The following MCU variants were observed in gnomAD, a reference collection of about 807,000 sequenced individuals.
The protein encoded by MCU is calcium uniporter protein, mitochondrial.
A neutral mutation model predicts 45.2 loss-of-function variants in MCU; 12 were observed. That is an observed-to-expected ratio of 0.27 (90% confidence interval 0.17 to 0.43). The LOEUF (loss-of-function observed/expected upper bound fraction) is 0.43, where lower values mean the gene tolerates loss of function less well. Ranked by LOEUF, MCU falls within the 20% of genes least tolerant of loss-of-function variation. The pLI, the probability that MCU is intolerant of heterozygous loss-of-function variation, is 1.00. For missense variants in MCU, 324 were observed against 436.7 expected (o/e 0.74, Z 2.30); for synonymous variants, 160 against 165.1 (o/e 0.97, Z 0.24).
chr10:72,829,641 G>T (rs898376654), intron 1 of MCU, among the ~76,000 whole-genome samples: 4 of 150,434 alleles, frequency 2.7e-5, no homozygotes, highest in Admixed American at 2.6e-4. Context: ...AACAGTAAAG[G>T]AAAAAAACTT....
intron 1 of MCU, among the ~76,000 whole-genome samples, chr10:72,829,657 A>G (rs1844851406): frequency 6.6e-6 from 1 of 151,910 alleles, no homozygotes; most frequent in Admixed American, 6.6e-5. Flanking sequence ...AACTTTTACA[A>G]ACTTACTATT....
intron 2 of MCU, among the ~76,000 whole-genome samples, chr10:72,839,112 C>T (rs957207801): frequency 1.3e-5 from 2 of 152,032 alleles, no homozygotes; most frequent in Non-Finnish European, 2.9e-5. Flanking sequence ...GCCTCAGCCT[C>T]CCTAGCAGCT....
At chr10:72,734,691 G>T (rs1022677959) in intron 1 of MCU, among the ~76,000 whole-genome samples, 5 of 151,964 alleles carry the variant, frequency 3.3e-5, no homozygotes, top group Non-Finnish European at 5.9e-5. Context: ...ATGGCTCACC[G>T]CAGCCTTGAC....
intron 1 of MCU, among the ~76,000 whole-genome samples, chr10:72,793,123 C>T (rs150430266): frequency 0.029 from 4,379 of 152,170 alleles, 84 homozygotes; most frequent in Admixed American, 0.044. Flanking sequence ...GTGATCTGCT[C>T]GCCTTGGCCT....
intron 1 of MCU, chr10:72,692,663 A>C (rs1842638011): frequency 8.4e-7 from 1 of 1,186,438 alleles, no homozygotes; most frequent in Non-Finnish European, 1.0e-6. Flanking sequence ...GAACGGAGCC[A>C]GATGGAAGTT....
chr10:72,841,122 A>G (rs1044329461), intron 2 of MCU, among the ~76,000 whole-genome samples: 11 of 152,308 alleles, frequency 7.2e-5, no homozygotes, highest in South Asian at 2.1e-4. Context: ...GATGAAAATA[A>G]CTGATACTGT....
At chr10:72,881,388 G>A (rs1020686618) in intron 6 of MCU, among the ~76,000 whole-genome samples, 1 of 152,052 alleles carries the variant, frequency 6.6e-6, no homozygotes, top group Non-Finnish European at 1.5e-5. Flanking sequence ...TAACCATACA[G>A]GATAAGAGTG....
chr10:72,850,440 T>A (rs943794763), intron 2 of MCU, among the ~76,000 whole-genome samples: 1 of 152,180 alleles, frequency 6.6e-6, no homozygotes, highest in African/African-American at 2.4e-5. Context: ...CCTTTCATAA[T>A]AAGCCCTCAA....
At chr10:72,883,854 A>G (rs947026802) in intron 6 of MCU, among the ~76,000 whole-genome samples, 16 of 152,194 alleles carry the variant, frequency 1.1e-4, no homozygotes, top group Non-Finnish European at 8.8e-5. Flanking sequence ...AATTCATAAA[A>G]CAGGTAAAAC....
At chr10:72,732,385 G>A (rs531692542) in intron 1 of MCU, among the ~76,000 whole-genome samples, 2 of 152,230 alleles carry the variant, frequency 1.3e-5, no homozygotes, top group South Asian at 4.1e-4. Context: ...TTCAAAGAAG[G>A]CAGTTTTGTG....
chr10:72,877,658 A>G (rs534746539), intron 6 of MCU, among the ~76,000 whole-genome samples: 1 of 152,236 alleles, frequency 6.6e-6, no homozygotes. Flanking sequence ...AAATAGCAAA[A>G]ATTGCTAGGT....
At chr10:72,718,999 T>C (rs545225404) in intron 1 of MCU, among the ~76,000 whole-genome samples, 27 of 152,176 alleles carry the variant, frequency 1.8e-4, no homozygotes, top group African/African-American at 6.0e-4. Flanking sequence ...TGACAGAGGG[T>C]ATGAAGGGGG....
At position 72,788,431 on chromosome 10, in the gene MCU, C is replaced by A. The variant is rs77107663; in HGVS notation, c.151-45928C>A. 3.0e-3 allele frequency among the ~76,000 whole-genome samples: 457 copies of A among 152,296 alleles called. 4 individuals carry two copies. Among genetic ancestry groups the A allele is most frequent in the African/African-American group, 0.01 (429 of 41,566 alleles). On this transcript the variant is annotated intron_variant, in intron 1 of 7. Transcript: ENST00000373053. ...CTTGAGGCCAGGAGTTGAAGGCCAA[C>A]CTGGGCTATATAATGAGACCTTGTC...
intron 1 of MCU, among the ~76,000 whole-genome samples, chr10:72,806,083 A>T (rs1041899034): frequency 2.6e-5 from 4 of 151,936 alleles, no homozygotes; most frequent in African/African-American, 7.3e-5. Context: ...AATGTGGTGA[A>T]GTACAGAGAG....
intron 5 of MCU, among the ~76,000 whole-genome samples, chr10:72,870,645 G>C (rs1458258447): frequency 2.0e-5 from 3 of 152,182 alleles, no homozygotes; most frequent in Admixed American, 6.6e-5. Context: ...GTGATTTGCA[G>C]ATCATCGCTC....
intron 1 of MCU, among the ~76,000 whole-genome samples, chr10:72,709,231 T>G (rs1248788157): frequency 6.6e-6 from 1 of 152,238 alleles, no homozygotes; most frequent in Non-Finnish European, 1.5e-5. Flanking sequence ...GTCCCCACTG[T>G]ATCCTGTATT....
At chr10:72,814,679 A>G (rs1211353751) in intron 1 of MCU, among the ~76,000 whole-genome samples, 2 of 152,240 alleles carry the variant, frequency 1.3e-5, no homozygotes, top group Non-Finnish European at 2.9e-5. Flanking sequence ...TAGACCACAT[A>G]TAGGAGGTTG....
At chr10:72,755,760 G>A (rs1034129474) in intron 1 of MCU, among the ~76,000 whole-genome samples, 2 of 151,892 alleles carry the variant, frequency 1.3e-5, no homozygotes, top group Non-Finnish European at 2.9e-5. Context: ...CCTTGTTGTT[G>A]TTGTTGTTTT....
chr10:72,816,775 A>T (rs973154768), intron 1 of MCU, among the ~76,000 whole-genome samples: 8 of 152,104 alleles, frequency 5.3e-5, no homozygotes, highest in Non-Finnish European at 8.8e-5. Flanking sequence ...ACAAACAAAA[A>T]CTAGTACATA....
Sources: gnomAD v4.1 joint callset for allele counts (sites outside exome capture counted in the v4.1 genomes callset) on GRCh38, gnomAD v4.1.1 for gene constraint, MANE v1.5 for transcripts, NCBI Gene and HGNC (gene_info 2026-07-23, HGNC 2026-07-21) for gene names.